SAMD5: variants seen among roughly 807,000 people sequenced by gnomAD.
SAMD5 encodes the protein sterile alpha motif domain containing 5.
A neutral mutation model predicts 11.3 loss-of-function variants in SAMD5; 13 were observed. That is an observed-to-expected ratio of 1.15 (90% CI 0.75 to 1.83). SAMD5 has a LOEUF of 1.83. Among genes scored for constraint, SAMD5 ranks in the 40% most tolerant of loss-of-function variants. SAMD5 has a pLI of 0.00. For missense variants in SAMD5, 255 were observed against 239.1 expected (o/e 1.07, Z -0.44); for synonymous variants, 129 against 111.3 (o/e 1.16, Z -1.00).
intron 1 of SAMD5, among the ~76,000 whole-genome samples, chr6:147,591,895 G>A (rs1281585609): frequency 1.3e-5 from 2 of 152,074 alleles, no homozygotes; most frequent in Non-Finnish European, 2.9e-5. Context: ...GAAGGGCTCA[G>A]GAGGCGGTTT....
the SAMD5 span, among the ~76,000 whole-genome samples, chr6:147,935,602 T>C: frequency 1.4e-5 from 2 of 144,812 alleles, no homozygotes; most frequent in Non-Finnish European, 3.0e-5. Context: ...ATATCATGAA[T>C]AAGGTTTTTT....
intron 1 of SAMD5, among the ~76,000 whole-genome samples, chr6:147,675,759 T>C (rs1392328380): frequency 6.6e-6 from 1 of 152,148 alleles, no homozygotes; most frequent in East Asian, 1.9e-4. Flanking sequence ...AAGGGGAAAA[T>C]TATAACACCT....
At chr6:147,618,341 T>C (rs982261921) in intron 1 of SAMD5, among the ~76,000 whole-genome samples, 1 of 152,014 alleles carries the variant, frequency 6.6e-6, no homozygotes, top group Non-Finnish European at 1.5e-5. Flanking sequence ...CAGCTCAGTG[T>C]TGGGGGGAGT....
chr6:147,524,854 T>C lies in SAMD5; in HGVS notation c.459+15467T>C, dbSNP rs191047762. On this transcript the variant is annotated intron_variant, in intron 1 of 1. Coordinates refer to ENST00000367474, the MANE Select transcript of SAMD5 (RefSeq NM_001030060.3). ...TTATTATCATTTGTGAAGAATGCTT[T>C]ACCACATTATTTCCTTCAATCCTCA... is the stretch of plus-strand genomic sequence containing the variant. Among the ~76,000 whole-genome samples, 934 of 152,266 alleles carry C rather than the reference T, an allele frequency of 6.1e-3. 13 individuals are homozygous for C. The highest frequency in any genetic ancestry group is 5.9e-3 in the Non-Finnish European group (398 of 68,010).
chr6:147,899,189 A>AAAAAAAAAAT, the SAMD5 span, among the ~76,000 whole-genome samples: 1 of 123,464 alleles, frequency 8.1e-6, no homozygotes, highest in African/African-American at 3.7e-5. Context: ...AAAAAAAAAA[A>AAAAAAAAAAT]AAAAGATAAC....
chr6:147,512,317 C>T (rs1052192963), intron 1 of SAMD5, among the ~76,000 whole-genome samples: 3 of 152,090 alleles, frequency 2.0e-5, no homozygotes, highest in Non-Finnish European at 4.4e-5. Context: ...GCTTTTCAGT[C>T]TCCTTTGCAG....
At chr6:147,523,204 G>A (rs1272129795) in intron 1 of SAMD5, among the ~76,000 whole-genome samples, 2 of 152,160 alleles carry the variant, frequency 1.3e-5, no homozygotes, top group Non-Finnish European at 2.9e-5. Flanking sequence ...AATTGAAATG[G>A]CATTCATTCT....
At chr6:147,819,138 T>C in the SAMD5 span, among the ~76,000 whole-genome samples, 20 of 152,328 alleles carry the variant, frequency 1.3e-4, no homozygotes, top group South Asian at 4.1e-4. Flanking sequence ...CATGGGATAC[T>C]ATGCAGCCTT....
chr6:147,636,915 A>AT (rs34637969), intron 1 of SAMD5, among the ~76,000 whole-genome samples: 78,389 of 150,328 alleles, frequency 0.52, 21,919 homozygotes, highest in South Asian at 0.69. Flanking sequence ...GACTTAAGGA[A>AT]TTTTTTTTTT....
chr6:147,530,666 G>T (rs755714945), intron 1 of SAMD5, among the ~76,000 whole-genome samples: 1 of 152,204 alleles, frequency 6.6e-6, no homozygotes, highest in Non-Finnish European at 1.5e-5. Flanking sequence ...AAACCTTGCA[G>T]ACAGGGGAAT....
At chr6:147,757,271 A>G in the SAMD5 span, among the ~76,000 whole-genome samples, 1 of 152,184 alleles carries the variant, frequency 6.6e-6, no homozygotes, top group Non-Finnish European at 1.5e-5. Context: ...GTTATATATA[A>G]GTATTCAGGG....
At chr6:147,947,986 TCTC>T in the SAMD5 span, among the ~76,000 whole-genome samples, 4 of 151,990 alleles carry the variant, frequency 2.6e-5, no homozygotes, top group African/African-American at 7.2e-5. Flanking sequence ...GCTTTTCTGT[TCTC>T]CTCCTCCTGT....
At chr6:147,657,900 C>T (rs1790593881) in intron 1 of SAMD5, among the ~76,000 whole-genome samples, 1 of 152,176 alleles carries the variant, frequency 6.6e-6, no homozygotes, top group Admixed American at 6.5e-5. Flanking sequence ...TGGAGGGATG[C>T]AAAGATTCAG....
chr6:147,855,552 T>C, the SAMD5 span, among the ~76,000 whole-genome samples: 4 of 152,172 alleles, frequency 2.6e-5, no homozygotes, highest in South Asian at 2.1e-4. Flanking sequence ...GAGAATGTTA[T>C]AGAAGACTTT....
the SAMD5 span, among the ~76,000 whole-genome samples, chr6:147,928,378 T>C: frequency 1.3e-5 from 2 of 152,190 alleles, no homozygotes; most frequent in Admixed American, 1.3e-4. Context: ...ATCAATTTCC[T>C]CCTGGTTCAG....
the SAMD5 span, among the ~76,000 whole-genome samples, chr6:147,840,687 T>C: frequency 2.6e-5 from 4 of 152,262 alleles, 1 homozygote; most frequent in South Asian, 6.2e-4. Context: ...CTGTTGAGCA[T>C]ATAACTTAAT....
At chr6:147,650,354 A>ATT in intron 1 of SAMD5, among the ~76,000 whole-genome samples, 1 of 152,168 alleles carries the variant, frequency 6.6e-6, no homozygotes, top group South Asian at 2.1e-4. Context: ...AGGAGGGGGC[A>ATT]AGGGGCATTC....
At chr6:147,661,804 T>G (rs1790652192) in intron 1 of SAMD5, among the ~76,000 whole-genome samples, 1 of 152,014 alleles carries the variant, frequency 6.6e-6, no homozygotes, top group Non-Finnish European at 1.5e-5. Context: ...TAATTTTTTG[T>G]ATTTTTCGTA....
chr6:147,795,204 A>G, the SAMD5 span, among the ~76,000 whole-genome samples: 1 of 124,584 alleles, frequency 8.0e-6, no homozygotes, highest in African/African-American at 3.1e-5. Flanking sequence ...TCCCAATGCT[A>G]TCCCTCCCCC....
Sources: allele counts gnomAD v4.1 joint callset (sites outside exome capture counted in the v4.1 genomes callset), GRCh38; gene constraint gnomAD v4.1.1; transcripts MANE v1.5; gene names NCBI Gene and HGNC (gene_info 2026-07-23, HGNC 2026-07-21).